Variants in NRXN1 observed in about 807,000 individuals in gnomAD.
NRXN1 encodes the protein neurexin 1, also known as neurexin-1.
NRXN1 carries 39 observed loss-of-function variants against 150.9 expected under a neutral mutation model. The ratio of observed to expected loss-of-function variants is 0.26; its 90% confidence interval spans 0.20 to 0.34. The LOEUF (loss-of-function observed/expected upper bound fraction) is 0.34, where lower values mean the gene tolerates loss of function less well. NRXN1 is among the 10% of genes least tolerant of loss of function. NRXN1 has a pLI of 1.00. For missense variants in NRXN1, 1,815 were observed against 1,949.9 expected (o/e 0.93, Z 1.30); for synonymous variants, 924 against 757.0 (o/e 1.22, Z -3.62).
chr2:50,052,460 G>A (rs1358509554), intron 21 of NRXN1, among the ~76,000 whole-genome samples: 3 of 152,032 alleles, frequency 2.0e-5, no homozygotes, highest in Admixed American at 6.6e-5. Flanking sequence ...ACAGCATTTC[G>A]AATAAGGTTT....
At chr2:50,678,084 A>G (rs1689804101) in intron 5 of NRXN1, among the ~76,000 whole-genome samples, 1 of 152,228 alleles carries the variant, frequency 6.6e-6, no homozygotes, top group East Asian at 1.9e-4. Flanking sequence ...ATTTTCTTCC[A>G]TCCTCCCAAT....
chr2:50,491,419 T>C (rs1015680438), intron 15 of NRXN1, among the ~76,000 whole-genome samples: 1 of 152,184 alleles, frequency 6.6e-6, no homozygotes, highest in Non-Finnish European at 1.5e-5. Context: ...GTTGAGTTGT[T>C]TCTGATTAGG....
chr2:50,851,212 C>T (rs1674469723), intron 5 of NRXN1, among the ~76,000 whole-genome samples: 1 of 151,996 alleles, frequency 6.6e-6, no homozygotes, highest in Non-Finnish European at 1.5e-5. Context: ...TAGGTCTAGG[C>T]ATTTATTCCC....
chr2:50,978,115 T>C (rs989831282), intron 2 of NRXN1, among the ~76,000 whole-genome samples: 1 of 150,704 alleles, frequency 6.6e-6, no homozygotes, highest in South Asian at 2.1e-4. Context: ...TCTTTAACTG[T>C]TCCAAAATAT....
In NRXN1 at chr2:49,996,352, C is replaced by G. The variant is rs190273407; in HGVS notation, c.4129-52561G>C. Among the ~76,000 whole-genome samples the G allele has an allele frequency of 3.9e-5, 6 of 152,220 alleles. No individual in the cohort carries two copies. In the East Asian group the frequency reaches 1.2e-3, roughly 29 times the overall value. On this transcript the variant is annotated intron_variant, in intron 21 of 22. Transcript: ENST00000401669. ...ATAAGCAAGGACATTAAAAAGATAG[C>G]ATGGTGTACCCACAAATCATTCAGT...
At chr2:50,947,983 T>C (rs1690675547) in intron 2 of NRXN1, among the ~76,000 whole-genome samples, 1 of 152,004 alleles carries the variant, frequency 6.6e-6, no homozygotes, top group African/African-American at 2.4e-5. Flanking sequence ...TATGAAACAT[T>C]TGCTTATCTC....
intron 5 of NRXN1, among the ~76,000 whole-genome samples, chr2:50,769,101 A>C (rs1171034608): frequency 6.6e-6 from 1 of 152,070 alleles, no homozygotes; most frequent in African/African-American, 2.4e-5. Flanking sequence ...CTTATACATC[A>C]ATGTATGAGT....
In NRXN1 at chr2:50,791,972, C is replaced by T. The variant is rs557434033; in HGVS notation, c.832+129897G>A. Among the ~76,000 whole-genome samples, 5 of 152,178 alleles carry T rather than the reference C, an allele frequency of 3.3e-5. No individual in the cohort carries two copies. The South Asian group carries it at 6.2e-4, about 19-fold the overall frequency. ...TATGCTTTAGAAACATACATCACAA[C>T]TGAGATGTGCGTGGGCATTATGAAT... On this transcript the variant is annotated intron_variant, in intron 5 of 22. Transcript: ENST00000401669.
At chr2:50,353,455 T>C (rs1047331668) in intron 17 of NRXN1, among the ~76,000 whole-genome samples, 1 of 152,106 alleles carries the variant, frequency 6.6e-6, no homozygotes, top group African/African-American at 2.4e-5. Context: ...CGTGACAACA[T>C]GAGACTGGAG....
chr2:50,407,258 G>T (rs970833636), intron 17 of NRXN1, among the ~76,000 whole-genome samples: 1 of 151,876 alleles, frequency 6.6e-6, no homozygotes, highest in Non-Finnish European at 1.5e-5. Context: ...TTCTTTCCTT[G>T]CCCCAAGATG....
chr2:50,989,247 A>C (rs978543745), intron 2 of NRXN1, among the ~76,000 whole-genome samples: 12 of 152,034 alleles, frequency 7.9e-5, no homozygotes, highest in Non-Finnish European at 2.9e-5. Flanking sequence ...GTTCTTATAT[A>C]AGAATGAAAT....
rs1264248861 is a variant in NRXN1, at chr2:50,574,096, C to T, written c.1321-21071G>A. Among the ~76,000 whole-genome samples, 3 of 151,998 alleles carry T rather than the reference C, an allele frequency of 2.0e-5. No homozygotes were observed. In the East Asian group the frequency reaches 5.8e-4, roughly 29 times the overall value. ...CTGGGTTTTAAAAGGCCTTAATCTA[C>T]TGATAAAAGCTTTGTGCTTACCCTA... On this transcript the variant is annotated intron_variant, in intron 8 of 22. Coordinates refer to ENST00000401669, the MANE Select transcript of NRXN1 (RefSeq NM_001330078.2).
At chr2:50,035,033 C>T (rs1361953838) in intron 21 of NRXN1, among the ~76,000 whole-genome samples, 3 of 151,984 alleles carry the variant, frequency 2.0e-5, no homozygotes, top group African/African-American at 2.4e-5. Flanking sequence ...TTCATTCTTC[C>T]GTGTCATCAC....
intron 18 of NRXN1, among the ~76,000 whole-genome samples, chr2:50,137,469 CT>C (rs1706598024): frequency 6.6e-6 from 1 of 152,094 alleles, no homozygotes; most frequent in African/African-American, 2.4e-5. Flanking sequence ...AGCAAAGCCT[CT>C]TTCATTTAGT....
At chr2:50,707,739 G>C (rs1484569398) in intron 5 of NRXN1, among the ~76,000 whole-genome samples, 1 of 151,876 alleles carries the variant, frequency 6.6e-6, no homozygotes, top group East Asian at 1.9e-4. Context: ...ACAAACTCTG[G>C]GTACTCATAC....
chr2:50,933,481 T>C (rs570627792), intron 2 of NRXN1, among the ~76,000 whole-genome samples: 34 of 152,238 alleles, frequency 2.2e-4, no homozygotes, highest in African/African-American at 6.7e-4. Flanking sequence ...AAAAACTAAA[T>C]ACTATACAAA....
intron 17 of NRXN1, among the ~76,000 whole-genome samples, chr2:50,287,312 C>T (rs2072319838): frequency 6.6e-6 from 1 of 151,930 alleles, no homozygotes; most frequent in South Asian, 2.1e-4. Context: ...ATGTTTAATC[C>T]TTCTTTATGG....
intron 17 of NRXN1, among the ~76,000 whole-genome samples, chr2:50,356,013 G>A (rs2078785448): frequency 6.6e-6 from 1 of 151,820 alleles, no homozygotes; most frequent in Non-Finnish European, 1.5e-5. Flanking sequence ...GGAATTCATT[G>A]TCATATTTTC....
chr2:50,442,511 G>C lies in NRXN1; in HGVS notation c.3364+22931C>G, dbSNP rs537444512. On this transcript the variant is annotated intron_variant, in intron 17 of 22. Transcript: ENST00000401669. Reference sequence around the variant, plus strand: ...CTAAAAAGGGAGAAGATGAAGGAGGGAGAAATGTGGAGAGTGAGGAGGGAA... The same window carrying C: ...CTAAAAAGGGAGAAGATGAAGGAGGCAGAAATGTGGAGAGTGAGGAGGGAA... 2.0e-5 allele frequency among the ~76,000 whole-genome samples: 3 copies of C among 152,222 alleles called. No homozygotes were observed. The East Asian group carries it at 5.8e-4, about 29-fold the overall frequency.
Sources: allele counts gnomAD v4.1 joint callset (sites outside exome capture counted in the v4.1 genomes callset), GRCh38; gene constraint gnomAD v4.1.1; transcripts MANE v1.5; gene names NCBI Gene and HGNC (gene_info 2026-07-23, HGNC 2026-07-21).